The following CDH8 variants were observed in gnomAD, a reference collection of about 807,000 sequenced individuals.
CDH8 encodes the protein cadherin 8, also known as cadherin-8.
In CDH8, 17 loss-of-function variants were observed where a neutral mutation model predicts 68.1. The observed-to-expected ratio is 0.25, with a 90% confidence interval of 0.17 to 0.37. The LOEUF is 0.37. Among genes scored for constraint, CDH8 ranks in the 10% least tolerant of loss-of-function variants. CDH8 has a pLI of 1.00. For missense variants in CDH8, 763 were observed against 999.3 expected (o/e 0.76, Z 3.19); for synonymous variants, 372 against 365.1 (o/e 1.02, Z -0.21).
intron 10 of CDH8, among the ~76,000 whole-genome samples, chr16:61,676,984 C>T (rs62049445): frequency 0.16 from 23,965 of 151,808 alleles, 2,053 homozygotes; most frequent in African/African-American, 0.21. Context: ...TGGAACTGTG[C>T]ACTTGAAAAG....
At chr16:61,874,767 C>T (rs1439293153) in intron 3 of CDH8, among the ~76,000 whole-genome samples, 1 of 152,050 alleles carries the variant, frequency 6.6e-6, no homozygotes, top group Non-Finnish European at 1.5e-5. Flanking sequence ...GCTTTTTTAC[C>T]TGTGAGGCAA....
chr16:61,817,330 AC>A, intron 7 of CDH8, 148 bp downstream of exon 7: 7 of 718,604 alleles, frequency 9.7e-6, no homozygotes, highest in Non-Finnish European at 1.7e-5. Context: ...ACACACACAC[AC>A]ACACACACAC....
chr16:61,770,820 G>A (rs148519355), intron 8 of CDH8, among the ~76,000 whole-genome samples: 10 of 152,020 alleles, frequency 6.6e-5, no homozygotes, highest in Middle Eastern at 3.4e-3. Flanking sequence ...AAACTTCACC[G>A]CCAGGCCAGG....
In CDH8 at chr16:61,817,930, G is replaced by A. The variant is rs576613201; in HGVS notation, c.1024-198C>T. The A allele has an allele frequency of 9.8e-5, 48 of 488,264 alleles. 1 individual carries two copies. The South Asian group carries it at 1.7e-3, about 17-fold the overall frequency. The allele number at this position is 488,264 out of a possible 1,614,324, so 30.2% of individuals were successfully genotyped here. A position where few individuals can be genotyped will look rare whatever the true frequency, so the allele number is the denominator to read the frequency against. ...TATGTCTGTTTATTATATAAGCTCA[G>A]TGAATCTAATCTCCTATTGTTTTGT... On this transcript the variant is annotated intron_variant, in intron 6 of 11. Transcript: ENST00000577390.
intron 2 of CDH8, among the ~76,000 whole-genome samples, chr16:61,970,500 T>G (rs1041632657): frequency 6.6e-6 from 1 of 152,208 alleles, no homozygotes; most frequent in Non-Finnish European, 1.5e-5. Flanking sequence ...TATATAATTT[T>G]TATTTGTCAA....
At chr16:61,721,769 C>T (rs1046167326) in intron 9 of CDH8, among the ~76,000 whole-genome samples, 6 of 150,676 alleles carry the variant, frequency 4.0e-5, no homozygotes, top group African/African-American at 1.5e-4. Flanking sequence ...ATTGCGACAT[C>T]CTAGAAATTT....
chr16:61,811,743 C>G (rs942413493), intron 7 of CDH8, among the ~76,000 whole-genome samples: 1 of 152,036 alleles, frequency 6.6e-6, no homozygotes, highest in Non-Finnish European at 1.5e-5. Flanking sequence ...TCCTGCAATA[C>G]GCAACAACAT....
Position 61,649,884 on chromosome 16 carries a change from T to C in CDH8, c.*3724A>G, listed in dbSNP as rs771582101. ...TGGAATCCAGCTGCTCCTAGGAGATTTCTAAGTCTCATGCAGAGACTTGTC... is the reference window on the plus strand; with the variant it reads ...TGGAATCCAGCTGCTCCTAGGAGATCTCTAAGTCTCATGCAGAGACTTGTC... On this transcript the variant is annotated 3_prime_UTR_variant, in exon 12 of 12. Coordinates refer to ENST00000577390, the MANE Select transcript of CDH8 (RefSeq NM_001796.5). 1.2e-4 allele frequency: 19 copies of C among 152,100 alleles called. No homozygotes were observed. The highest frequency in any genetic ancestry group is 2.5e-4 in the Non-Finnish European group (17 of 67,992). The allele number at this position is 152,100 out of a possible 1,614,324, so 9.4% of individuals were successfully genotyped here.
intron 4 of CDH8, among the ~76,000 whole-genome samples, chr16:61,833,976 T>A (rs72798745): frequency 0.073 from 11,057 of 151,920 alleles, 474 homozygotes; most frequent in South Asian, 0.096. Context: ...GTAATGGGTA[T>A]GAAAGCCATG....
At chr16:61,738,249 G>A (rs1159118817) in intron 8 of CDH8, among the ~76,000 whole-genome samples, 1 of 152,096 alleles carries the variant, frequency 6.6e-6, no homozygotes, top group East Asian at 1.9e-4. Flanking sequence ...CAAAAAGCAT[G>A]CTATCTTGCT....
At chr16:61,789,547 C>A (rs774247614) in intron 7 of CDH8, 65 bp from the exon 8 acceptor site, 7 of 1,412,078 alleles carry the variant, frequency 5.0e-6, no homozygotes, top group Non-Finnish European at 6.7e-6. Flanking sequence ...CCACAGCAGA[C>A]CTTTAGTAAT....
At chr16:61,773,386 G>C (rs575207241) in intron 8 of CDH8, among the ~76,000 whole-genome samples, 1 of 152,164 alleles carries the variant, frequency 6.6e-6, no homozygotes, top group South Asian at 2.1e-4. Flanking sequence ...GCCATGTCTT[G>C]TTTTTTAAGT....
rs774974705 is a variant in CDH8 at position 61,713,877 on chromosome 16, C to A, written c.1618G>T (p.Val540Phe). 20 of 1,602,546 alleles carry A rather than the reference C, an allele frequency of 1.2e-5. No individual in the cohort carries two copies. Among genetic ancestry groups the A allele is most frequent in the Middle Eastern group, 1.7e-4 (1 of 6,040 alleles). Residue 540 changes from valine to phenylalanine, a missense_variant, in exon 10 of 12, where the codon GTC (valine) becomes TTC (phenylalanine). Coordinates refer to ENST00000577390, the MANE Select transcript of CDH8 (RefSeq NM_001796.5). Reference protein sequence around the residue: ...YFLYSLLPEMVNNPNFTIKKN... With the variant: ...YFLYSLLPEMFNNPNFTIKKN... ...TTGATGGTGAAATTCGGATTGTTGA[C>A]CATTTCTGGAAGGAGACTGTATAAG...
intron 4 of CDH8, among the ~76,000 whole-genome samples, chr16:61,834,074 G>A (rs941389550): frequency 2.0e-5 from 3 of 151,888 alleles, no homozygotes; most frequent in Admixed American, 2.0e-4. Context: ...ACTACAAAGA[G>A]AAAAAGAGAA....
intron 7 of CDH8, among the ~76,000 whole-genome samples, chr16:61,799,775 T>C (rs539479564): frequency 1.3e-5 from 2 of 152,358 alleles, no homozygotes; most frequent in South Asian, 4.1e-4. Context: ...AAATAGGTTA[T>C]GTAAAATGTC....
chr16:61,888,188 C>T (rs995013689), intron 3 of CDH8, among the ~76,000 whole-genome samples: 3 of 152,110 alleles, frequency 2.0e-5, no homozygotes, highest in African/African-American at 4.8e-5. Context: ...CCTTCAGGTT[C>T]GCGGAGTCCT....
intron 3 of CDH8, among the ~76,000 whole-genome samples, chr16:61,893,895 A>C (rs548977101): frequency 6.6e-6 from 1 of 152,292 alleles, no homozygotes; most frequent in African/African-American, 2.4e-5. Flanking sequence ...CTAACCAATG[A>C]CTGTAGATAG....
chr16:61,911,010 T>C (rs1337751767), intron 2 of CDH8, among the ~76,000 whole-genome samples: 2 of 152,140 alleles, frequency 1.3e-5, no homozygotes, highest in Non-Finnish European at 2.9e-5. Context: ...CTTGTTTACT[T>C]AATAATTATA....
At chr16:61,979,851 G>C (rs1187310318) in intron 2 of CDH8, among the ~76,000 whole-genome samples, 1 of 152,156 alleles carries the variant, frequency 6.6e-6, no homozygotes, top group African/African-American at 2.4e-5. Context: ...GATGACTCTT[G>C]TCTGATTCCG....
Sources: allele counts gnomAD v4.1 joint callset (sites outside exome capture counted in the v4.1 genomes callset), GRCh38; gene constraint gnomAD v4.1.1; transcripts MANE v1.5; gene names NCBI Gene and HGNC (gene_info 2026-07-23, HGNC 2026-07-21).